Variants in PKHD1 observed in about 807,000 individuals in gnomAD.
PKHD1 encodes the protein PKHD1 ciliary IPT domain containing fibrocystin/polyductin.
In PKHD1, 291 loss-of-function variants were observed where a neutral mutation model predicts 412.0. The ratio of observed to expected loss-of-function variants is 0.71; its 90% CI spans 0.64 to 0.78. PKHD1 has a LOEUF of 0.78. Among genes scored for constraint, PKHD1 ranks in the 30% least tolerant of loss-of-function variants. The probability of loss-of-function intolerance (pLI) is 0.00; values close to 1 mark genes in which losing one functional copy is unlikely to be tolerated. For missense variants in PKHD1, 4,825 were observed against 4,950.7 expected, an observed-to-expected ratio of 0.97 and a Z score of 0.76; for synonymous variants, 1,777 against 1,821.5, an observed-to-expected ratio of 0.98 and a Z score of 0.62.
intron 60 of PKHD1, among the ~76,000 whole-genome samples, chr6:51,718,131 G>C (rs143391594): frequency 6.6e-6 from 1 of 152,162 alleles, no homozygotes; most frequent in Non-Finnish European, 1.5e-5. Flanking sequence ...TTTAATATAC[G>C]TAATGGATCA....
At chr6:51,827,630 C>T (rs1011027709) in intron 52 of PKHD1, among the ~76,000 whole-genome samples, 1 of 152,108 alleles carries the variant, frequency 6.6e-6, no homozygotes, top group East Asian at 1.9e-4. Context: ...ATGAAGCCAC[C>T]TTTACCCTAG....
rs758404336 is a variant in PKHD1 at position 51,904,012 on chromosome 6, C to T, written c.6839G>A (p.Trp2280Ter). 1.3e-6 allele frequency: 2 copies of T among 1,594,824 alleles called. No homozygotes were observed. The highest frequency in any genetic ancestry group is 1.7e-6 in the Non-Finnish European group (2 of 1,162,800). Residue 2280 changes from tryptophan to a stop codon, truncating the protein, a stop_gained, in exon 42 of 67, where the codon TGG (tryptophan) becomes TAG (stop). Coordinates refer to ENST00000371117, the MANE Select transcript of PKHD1 (RefSeq NM_138694.4). LOFTEE classifies it high-confidence loss of function. ...GTCTEMRYIS[W>*]EAIHGRKDDW... ...ATCTTTCCTTCCATGAATTGCCTCC[C>T]AGGAGATATATCTCATCTCCGTGCA...
At chr6:51,830,819 T>A (rs750312455) in intron 52 of PKHD1, 42 bp downstream of exon 52, 49 of 1,591,828 alleles carry the variant, frequency 3.1e-5, no homozygotes, top group Non-Finnish European at 3.9e-5. Context: ...TCTGGCTGGG[T>A]TCAGCCTGTC....
chr6:51,748,734 G>C lies in PKHD1; in HGVS notation c.8951-69C>G, dbSNP rs1178706826. On this transcript the variant is annotated intron_variant, in intron 57 of 66. Coordinates refer to ENST00000371117, the MANE Select transcript of PKHD1 (RefSeq NM_138694.4). Reference sequence around the variant, plus strand: ...AAAAGGCTGAAGAATGGCCCATTTTGGGGCATTAAGATATGAACATTTTTA... The same window carrying C: ...AAAAGGCTGAAGAATGGCCCATTTTCGGGCATTAAGATATGAACATTTTTA... 3.1e-6 allele frequency: 4 copies of C among 1,297,658 alleles called. No homozygotes were observed. The East Asian group carries it at 6.9e-5, about 22-fold the overall frequency. 80.4% of individuals were successfully genotyped at this position (1,297,658 alleles called of 1,614,324 possible). A position where few individuals can be genotyped will look rare whatever the true frequency, so the allele number is the denominator to read the frequency against.
intron 60 of PKHD1, among the ~76,000 whole-genome samples, chr6:51,695,394 A>G (rs1778674696): frequency 6.6e-6 from 1 of 152,150 alleles, no homozygotes; most frequent in Non-Finnish European, 1.5e-5. Flanking sequence ...CCTGAAACAT[A>G]AATATTGCTT....
At chr6:51,984,267 G>C (rs1795944695) in intron 35 of PKHD1, among the ~76,000 whole-genome samples, 1 of 152,220 alleles carries the variant, frequency 6.6e-6, no homozygotes, top group Admixed American at 6.5e-5. Context: ...ATTCTTCTTA[G>C]CTAAAATCCT....
In PKHD1 at chr6:51,659,541, C is replaced by G. The variant is rs145184792; in HGVS notation, c.10585G>C (p.Glu3529Gln). 2.2e-3 allele frequency: 3,531 copies of G among 1,613,658 alleles called. 66 individuals carry two copies. The African/African-American group carries it at 0.039, about 18-fold the overall frequency. Residue 3529 changes from glutamate to glutamine, a missense_variant, in exon 61 of 67, where the codon GAA (glutamate) becomes CAA (glutamine). Coordinates refer to ENST00000371117, the MANE Select transcript of PKHD1 (RefSeq NM_138694.4). ...LVQSASLLLN[E>Q]SIGANYFNIM... is the part of the protein sequence containing the mutation. The stretch of plus-strand genomic sequence containing the variant: ...TTGAAATAGTTGGCACCAATAGATT[C>G]ATTCAGCAATAAGGAAGCTGACTGA...
chr6:51,865,301 TTCACC>T (rs1562491943), intron 48 of PKHD1, among the ~76,000 whole-genome samples: 2 of 152,184 alleles, frequency 1.3e-5, no homozygotes, highest in Non-Finnish European at 2.9e-5. Context: ...CAGTTTTTTC[TTCACC>T]CAAATATTAA....
intron 27 of PKHD1, 58 bp downstream of exon 27, chr6:52,042,801 T>G: frequency 6.7e-7 from 1 of 1,490,208 alleles, no homozygotes; most frequent in African/African-American, 1.4e-5. Context: ...TAGATTCCTA[T>G]CAGCAAGAAC....
chr6:51,746,709 T>C lies in PKHD1; in HGVS notation c.9998+12A>G. The C allele has an allele frequency of 1.3e-6, 2 of 1,535,536 alleles. No homozygotes were observed. Among genetic ancestry groups the C allele is most frequent in the East Asian group, 2.3e-5 (1 of 44,442 alleles). On this transcript the variant is annotated intron_variant, in intron 59 of 66. Transcript: ENST00000371117. Reference sequence around the variant, plus strand: ...CATAAATATGGCTTATTATAAATACTAAAAATTATACCTGGGTTGTAATGA... The same window carrying C: ...CATAAATATGGCTTATTATAAATACCAAAAATTATACCTGGGTTGTAATGA...
intron 52 of PKHD1, among the ~76,000 whole-genome samples, chr6:51,794,986 T>C (rs916954191): frequency 6.6e-6 from 1 of 152,236 alleles, no homozygotes; most frequent in Non-Finnish European, 1.5e-5. Context: ...CTCTTTTTGC[T>C]TAGGATTGCC....
chr6:51,685,564 G>C lies in PKHD1; in HGVS notation c.10157-25595C>G, dbSNP rs369805872. ...TGAAAATTTTTGCTCTTGTATCCCA[G>C]TGTTTCTGAGATTGGTCCCTTTCGT... On this transcript the variant is annotated intron_variant, in intron 60 of 66. Transcript: ENST00000371117. Among the ~76,000 whole-genome samples the C allele has an allele frequency of 5.9e-5, 9 of 152,128 alleles. No homozygotes were observed. The East Asian group carries it at 1.4e-3, about 23-fold the overall frequency.
chr6:51,994,611 CT>C (rs1797500935), intron 35 of PKHD1, among the ~76,000 whole-genome samples: 1 of 152,012 alleles, frequency 6.6e-6, no homozygotes, highest in Admixed American at 6.6e-5. Context: ...GAGTATTACT[CT>C]GCTGCCCAGG....
intron 36 of PKHD1, among the ~76,000 whole-genome samples, chr6:51,943,329 CT>C (rs1788873761): frequency 1.3e-5 from 2 of 151,264 alleles, no homozygotes; most frequent in East Asian, 3.9e-4. Flanking sequence ...GTATAAGACG[CT>C]CCTTTTTATT....
intron 21 of PKHD1, 122 bp from the exon 22 acceptor site, chr6:52,050,417 A>G (rs1339632272): frequency 6.2e-6 from 6 of 968,240 alleles, no homozygotes; most frequent in Non-Finnish European, 8.3e-6. Flanking sequence ...ATAGATTCCT[A>G]CTTATCTGCT....
chr6:52,000,427 A>G lies in PKHD1; in HGVS notation c.5751+9882T>C, dbSNP rs114889941. 4.9e-3 allele frequency among the ~76,000 whole-genome samples: 749 copies of G among 152,286 alleles called. 7 individuals carry two copies. Among genetic ancestry groups the G allele is most frequent in the African/African-American group, 0.017 (693 of 41,544 alleles). On this transcript the variant is annotated intron_variant, in intron 35 of 66. Transcript: ENST00000371117. ...CTCAGAAAAAAAATGTAAGCATTATACTCCTATAGTCAAAAACAAAAATCC... is the reference window on the plus strand; with the variant it reads ...CTCAGAAAAAAAATGTAAGCATTATGCTCCTATAGTCAAAAACAAAAATCC...
intron 35 of PKHD1, among the ~76,000 whole-genome samples, chr6:51,967,901 C>A (rs894332652): frequency 6.6e-6 from 1 of 152,186 alleles, no homozygotes; most frequent in Admixed American, 6.5e-5. Flanking sequence ...ATGCAATGGA[C>A]CCATGACGGC....
At chr6:51,699,391 A>C (rs1779158889) in intron 60 of PKHD1, among the ~76,000 whole-genome samples, 1 of 152,098 alleles carries the variant, frequency 6.6e-6, no homozygotes, top group African/African-American at 2.4e-5. Flanking sequence ...AGAATCATCC[A>C]AGTTGTTGCA....
At position 51,853,772 on chromosome 6, in the gene PKHD1, G is replaced by A. The variant is rs543268205; in HGVS notation, c.7911+2121C>T. ...CTGTGTTTTTTGGCTCCATCAGGTC[G>A]TTTATATTCCTCTCTAAACTGGATA... On this transcript the variant is annotated intron_variant, in intron 49 of 66. Transcript: ENST00000371117. Among the ~76,000 whole-genome samples, 24 of 152,230 alleles carry A rather than the reference G, an allele frequency of 1.6e-4. No homozygotes were observed. The South Asian group carries it at 2.3e-3, about 15-fold the overall frequency.
Sources: gnomAD v4.1 joint callset for allele counts (sites outside exome capture counted in the v4.1 genomes callset) on GRCh38, gnomAD v4.1.1 for gene constraint, MANE v1.5 for transcripts, NCBI Gene and HGNC (gene_info 2026-07-23, HGNC 2026-07-21) for gene names.